Variants in HEMGN observed in about 807,000 individuals in gnomAD.
HEMGN encodes erythroid differentiation-associated gene protein.
A neutral mutation model predicts 45.7 loss-of-function variants in HEMGN; 32 were observed. The observed-to-expected ratio is 0.70, with a 90% CI of 0.53 to 0.94. The LOEUF is 0.94. Among genes scored for constraint, HEMGN ranks in the 40% least tolerant of loss-of-function variants. The pLI is 0.00. For synonymous variants in HEMGN, 183 were observed against 178.6 expected, an observed-to-expected ratio of 1.02 and a Z score of -0.20; for missense variants, 530 against 564.2, an observed-to-expected ratio of 0.94 and a Z score of 0.61.
intron 3 of HEMGN, 23 bp from the exon 4 acceptor site, chr9:97,927,501 A>T: frequency 6.8e-7 from 1 of 1,462,358 alleles, no homozygotes; most frequent in Non-Finnish European, 9.6e-7. Flanking sequence ...ATAAAATAAA[A>T]AATAGATTCA....
Position 97,930,980 on chromosome 9 carries a change from C to A in HEMGN, c.415G>T (p.Glu139Ter), listed in dbSNP as rs1587852287. The A allele has an allele frequency of 5.0e-6, 8 of 1,614,024 alleles. No homozygotes were observed. Among genetic ancestry groups the A allele is most frequent in the Non-Finnish European group, 5.9e-6 (7 of 1,179,902 alleles). ...AAATTCTCCTGATATATGTTACTTT[C>A]TTGACATATTTCAGAAAAGTGTTCC... ...PEEHFSEICQ[E>*]SNIYQENFSE... The change falls in exon 3 of 4, where the codon GAA (glutamate) becomes TAA (stop). Residue 139 changes from glutamate (E) to a stop codon, truncating the protein, a stop_gained. Transcript: ENST00000616898. LOFTEE classifies it high-confidence loss of function.
chr9:97,943,245 C>G (rs1400012479), intron 1 of HEMGN, among the ~76,000 whole-genome samples: 1 of 152,214 alleles, frequency 6.6e-6, no homozygotes, highest in East Asian at 1.9e-4. Context: ...TCTAATGATG[C>G]ACCTGGGCAA....
chr9:97,927,447 T>G lies in HEMGN; in HGVS notation c.1392A>C (p.Gly464=), dbSNP rs1826848613. 1 of 1,609,402 alleles carries G rather than the reference T, an allele frequency of 6.2e-7. No homozygotes were observed. ...GACTCTCATTCAGAATTGCTGGTATTCCTGGCTCTTCTTTGGGTTTTTCTT... is the reference window on the plus strand; with the variant it reads ...GACTCTCATTCAGAATTGCTGGTATGCCTGGCTCTTCTTTGGGTTTTTCTT... ...EMKEKPKEEP[G]IPAILNESHP... is the part of the protein sequence containing the mutation. The change falls in exon 4 of 4, where the codon GGA becomes GGC. Residue 464 remains glycine, a synonymous_variant. Coordinates refer to ENST00000616898, the MANE Select transcript of HEMGN (RefSeq NM_197978.3).
At chr9:97,943,863 T>C (rs374360806) in intron 1 of HEMGN, among the ~76,000 whole-genome samples, 6 of 152,168 alleles carry the variant, frequency 3.9e-5, no homozygotes, top group African/African-American at 7.2e-5. Flanking sequence ...TGGTCCATTC[T>C]CAGTTCTTCT....
At position 97,928,295 on chromosome 9, in the gene HEMGN, G is replaced by C. The variant is rs1487584757; in HGVS notation, c.1361-817C>G. Among the ~76,000 whole-genome samples the C allele has an allele frequency of 3.3e-5, 5 of 152,182 alleles. No individual in the cohort carries two copies. In the East Asian group the frequency reaches 9.7e-4, roughly 29 times the overall value. ...CCCACCTCGGCCTCCCAACGTGCTG[G>C]GATTACAGGCGTGAGCCACCGCGCC... On this transcript the variant is annotated intron_variant, in intron 3 of 3. Transcript: ENST00000616898.
Position 97,927,260 on chromosome 9 carries a change from G to T in HEMGN, c.*124C>A. 1.7e-6 allele frequency: 1 copy of T among 589,246 alleles called. No homozygotes were observed. The highest frequency in any genetic ancestry group is 3.0e-6 in the Non-Finnish European group (1 of 331,212). 36.5% of individuals were successfully genotyped at this position (589,246 alleles called of 1,614,324 possible). ...AAAAATGTTATTTCTTTCAGATATG[G>T]TCTACAAATAGAAAAAATAATATTA... On this transcript the variant is annotated 3_prime_UTR_variant, in exon 4 of 4. Coordinates refer to ENST00000616898, the MANE Select transcript of HEMGN (RefSeq NM_197978.3).
chr9:97,927,210 A>C lies in HEMGN; in HGVS notation c.*174T>G. The C allele has an allele frequency of 2.0e-6, 1 of 492,960 alleles. No individual in the cohort carries two copies. Among genetic ancestry groups the C allele is most frequent in the Non-Finnish European group, 3.6e-6 (1 of 277,244 alleles). 30.5% of individuals were successfully genotyped at this position (492,960 alleles called of 1,614,324 possible). A position where few individuals can be genotyped will look rare whatever the true frequency, so the allele number is the denominator to read the frequency against. ...ACACACACACACACATTCTAGCATG[A>C]TATTGTCTATGTGGTAGAGCCTTAA... On this transcript the variant is annotated 3_prime_UTR_variant, in exon 4 of 4. Coordinates refer to ENST00000616898, the MANE Select transcript of HEMGN (RefSeq NM_197978.3).
upstream of HEMGN, among the ~76,000 whole-genome samples, chr9:97,939,778 T>C (rs1429205761): frequency 1.3e-5 from 2 of 152,170 alleles, no homozygotes; most frequent in African/African-American, 2.4e-5. Context: ...TTAACTTGGT[T>C]TTTAATTACT....
At chr9:97,934,475 T>G in intron 2 of HEMGN, among the ~76,000 whole-genome samples, 19 of 119,054 alleles carry the variant, frequency 1.6e-4, no homozygotes, top group African/African-American at 2.5e-4. Flanking sequence ...GGGAGGAGAA[T>G]ACCTGGGTTC....
chr9:97,930,352 T>G lies in HEMGN; in HGVS notation c.1043A>C (p.His348Pro). ...PSHKTIQETP[H>P]SEDYSIEINQ... The stretch of plus-strand genomic sequence containing the variant: ...TATTTCAATTGAATAGTCTTCAGAA[T>G]GAGGTGTTTCTTGGATTGTTTTATG... Residue 348 changes from histidine to proline, a missense_variant, in exon 3 of 4, where the codon CAT becomes CCT. His to Pro is a moderately conservative substitution (Grantham distance 77). Transcript: ENST00000616898. 6.2e-7 allele frequency: 1 copy of G among 1,613,654 alleles called. No individual in the cohort carries two copies. Among genetic ancestry groups the G allele is most frequent in the Non-Finnish European group, 8.5e-7 (1 of 1,179,914 alleles).
chr9:97,926,969 TGC>T lies in HEMGN; in HGVS notation c.*413_*414del, dbSNP rs1279129268. 1 of 152,888 alleles carries T rather than the reference TGC, an allele frequency of 6.5e-6. No individual in the cohort carries two copies. The allele number at this position is 152,888 out of a possible 1,614,324, so 9.5% of individuals were successfully genotyped here. A position where few individuals can be genotyped will look rare whatever the true frequency, so the allele number is the denominator to read the frequency against. ...AACTAAAGCCTGAATAAAATTTTGA[TGC>T]TACTGTTACATTAATAATTGAACAG... On this transcript the variant is annotated 3_prime_UTR_variant, in exon 4 of 4. Coordinates refer to ENST00000616898, the MANE Select transcript of HEMGN (RefSeq NM_197978.3).
chr9:97,936,307 G>T, intron 1 of HEMGN, 43 bp from the exon 2 acceptor site: 1 of 1,347,650 alleles, frequency 7.4e-7, no homozygotes, highest in Non-Finnish European at 1.1e-6. Context: ...ATGAACTGTG[G>T]TGTCTATCAG....
chr9:97,930,324 G>A lies in HEMGN; in HGVS notation c.1071C>T (p.Asn357=). 1.2e-6 allele frequency: 2 copies of A among 1,613,628 alleles called. No individual in the cohort carries two copies. Among genetic ancestry groups the A allele is most frequent in the Non-Finnish European group, 1.7e-6 (2 of 1,179,914 alleles). ...PHSEDYSIEI[N]QETPGSEKYS... ...ATTTTTCAGACCCAGGAGTTTCTTG[G>A]TTTATTTCAATTGAATAGTCTTCAG... Residue 357 remains asparagine, a synonymous_variant, in exon 3 of 4, where the codon AAC becomes AAT. Transcript: ENST00000616898.
intron 1 of HEMGN, among the ~76,000 whole-genome samples, chr9:97,943,197 C>T (rs1359422866): frequency 6.6e-6 from 1 of 152,180 alleles, no homozygotes; most frequent in Non-Finnish European, 1.5e-5. Context: ...ATATAAGTCC[C>T]ATCAACCCGG....
intron 2 of HEMGN, among the ~76,000 whole-genome samples, chr9:97,931,790 A>G (rs924926887): frequency 3.3e-5 from 5 of 152,210 alleles, no homozygotes; most frequent in African/African-American, 9.7e-5. Flanking sequence ...GGTATACTGT[A>G]AGGGGTCAAA....
chr9:97,940,051 G>T (rs2131558807), upstream of HEMGN, among the ~76,000 whole-genome samples: 1 of 152,286 alleles, frequency 6.6e-6, no homozygotes, highest in East Asian at 1.9e-4. Flanking sequence ...TAGTTAGGTT[G>T]TTTCTTACAT....
chr9:97,933,050 C>T (rs1826986373), intron 2 of HEMGN, among the ~76,000 whole-genome samples: 4 of 152,124 alleles, frequency 2.6e-5, no homozygotes, highest in Admixed American at 6.5e-5. Flanking sequence ...TCCATGTCTT[C>T]CCAGGTAGTT....
chr9:97,944,328 T>A (rs1827193094), intron 1 of HEMGN, among the ~76,000 whole-genome samples: 1 of 152,236 alleles, frequency 6.6e-6, no homozygotes, highest in African/African-American at 2.4e-5. Flanking sequence ...GTACCATGCC[T>A]GGCCATCTAG....
At chr9:97,933,819 T>C (rs1827002061) in intron 2 of HEMGN, among the ~76,000 whole-genome samples, 1 of 152,070 alleles carries the variant, frequency 6.6e-6, no homozygotes, top group Non-Finnish European at 1.5e-5. Context: ...GCCTTAGCAT[T>C]ATAGAGATGT....
Sources: gnomAD v4.1 joint callset for allele counts (sites outside exome capture counted in the v4.1 genomes callset) on GRCh38, gnomAD v4.1.1 for gene constraint, MANE v1.5 for transcripts, NCBI Gene and HGNC (gene_info 2026-07-23, HGNC 2026-07-21) for gene names.